The following ASTN2 variants were observed in gnomAD, a reference collection of about 807,000 sequenced individuals.
The protein encoded by ASTN2 is astrotactin-2.
In ASTN2, 54 loss-of-function variants were observed where a neutral mutation model predicts 139.8. That is an observed-to-expected ratio of 0.39 (90% CI 0.31 to 0.48). The LOEUF (loss-of-function observed/expected upper bound fraction) is 0.48, where lower values mean the gene tolerates loss of function less well. Among genes scored for constraint, ASTN2 ranks in the 20% least tolerant of loss-of-function variants. The pLI, the probability that ASTN2 is intolerant of heterozygous loss-of-function variation, is 0.95. For missense variants in ASTN2, 1,565 were observed against 1,725.1 expected, an observed-to-expected ratio of 0.91 and a Z score of 1.64; for synonymous variants, 756 against 719.5, an observed-to-expected ratio of 1.05 and a Z score of -0.81.
intron 7 of ASTN2, among the ~76,000 whole-genome samples, chr9:116,980,151 G>A (rs934166359): frequency 3.3e-5 from 5 of 152,116 alleles, no homozygotes; most frequent in Non-Finnish European, 1.5e-5. Flanking sequence ...CCCTAGTTGT[G>A]TGGCCTTAGG....
chr9:116,852,399 T>G (rs934990078), intron 11 of ASTN2, among the ~76,000 whole-genome samples: 1 of 152,206 alleles, frequency 6.6e-6, no homozygotes, highest in Non-Finnish European at 1.5e-5. Flanking sequence ...CAACTCTGAA[T>G]TATGGACAAG....
chr9:117,103,843 G>A (rs1829039724), intron 4 of ASTN2, among the ~76,000 whole-genome samples: 1 of 152,140 alleles, frequency 6.6e-6, no homozygotes, highest in African/African-American at 2.4e-5. Flanking sequence ...GGACAGAAGT[G>A]GGTAAACTTC....
intron 6 of ASTN2, among the ~76,000 whole-genome samples, chr9:117,017,808 T>C: frequency 6.6e-6 from 1 of 152,180 alleles, no homozygotes; most frequent in East Asian, 1.9e-4. Flanking sequence ...CAATTGGTAA[T>C]TGTGTATGTC....
chr9:117,189,622 T>C (rs2132964983), intron 3 of ASTN2, among the ~76,000 whole-genome samples: 1 of 152,332 alleles, frequency 6.6e-6, no homozygotes, highest in East Asian at 1.9e-4. Context: ...CTTACAAGAA[T>C]ACTGCAAAAC....
intron 13 of ASTN2, among the ~76,000 whole-genome samples, chr9:116,735,851 C>T (rs1828912754): frequency 1.3e-5 from 2 of 152,198 alleles, no homozygotes; most frequent in Admixed American, 1.3e-4. Flanking sequence ...CTGGAGCAAA[C>T]CAACCAAATC....
At chr9:116,627,902 C>T (rs1445370013) in intron 17 of ASTN2, among the ~76,000 whole-genome samples, 2 of 152,134 alleles carry the variant, frequency 1.3e-5, no homozygotes, top group South Asian at 2.1e-4. Flanking sequence ...ATTAAATTTT[C>T]CCAACAACCT....
At chr9:117,019,302 A>G (rs1184537442) in intron 6 of ASTN2, among the ~76,000 whole-genome samples, 2 of 152,160 alleles carry the variant, frequency 1.3e-5, no homozygotes, top group East Asian at 3.9e-4. Context: ...TGGAAATTGG[A>G]CAATAATTCA....
At chr9:116,636,598 T>C (rs1857085163) in intron 17 of ASTN2, among the ~76,000 whole-genome samples, 1 of 151,902 alleles carries the variant, frequency 6.6e-6, no homozygotes, top group Admixed American at 6.6e-5. Flanking sequence ...AGGAAAATCG[T>C]TTGAACCCGG....
intron 20 of ASTN2, among the ~76,000 whole-genome samples, chr9:116,443,023 C>T (rs4837530): frequency 0.34 from 51,440 of 152,036 alleles, 9,044 homozygotes; most frequent in East Asian, 0.49. Context: ...GAGTCAAGGT[C>T]ACAGATAAAA....
At chr9:116,469,484 A>G in intron 20 of ASTN2, among the ~76,000 whole-genome samples, 1 of 152,132 alleles carries the variant, frequency 6.6e-6, no homozygotes, top group East Asian at 1.9e-4. Context: ...AGCAGGAGGG[A>G]ATATAGTTCA....
chr9:116,976,819 T>C lies in ASTN2; in HGVS notation c.1592-34A>G, dbSNP rs570264421. On this transcript the variant is annotated intron_variant, in intron 7 of 22. Transcript: ENST00000313400. ...GAAAAGAAAAAAGATTATTGTTAAGTAGAGTCTCCCCAAATAGGCTTTTCT... is the reference window on the plus strand; with the variant it reads ...GAAAAGAAAAAAGATTATTGTTAAGCAGAGTCTCCCCAAATAGGCTTTTCT... The C allele has an allele frequency of 1.1e-5, 17 of 1,587,452 alleles. No homozygotes were observed. The South Asian group carries it at 1.7e-4, about 16-fold the overall frequency.
In ASTN2 at chr9:116,511,897, G is replaced by C. The variant is rs180918728; in HGVS notation, c.3356-24397C>G. On this transcript the variant is annotated intron_variant, in intron 19 of 22. Coordinates refer to ENST00000313400, the MANE Select transcript of ASTN2 (RefSeq NM_001365068.1). ...CGTCTATTTGATTCTTCTCTCTTTTGTTCTTTATGAGTCTTGCTAGTGGTC... is the reference window on the plus strand; with the variant it reads ...CGTCTATTTGATTCTTCTCTCTTTTCTTCTTTATGAGTCTTGCTAGTGGTC... Among the ~76,000 whole-genome samples, 1,400 of 151,822 alleles carry C rather than the reference G, an allele frequency of 9.2e-3. 24 individuals are homozygous for C. The highest frequency in any genetic ancestry group is 0.032 in the African/African-American group (1,329 of 41,416).
chr9:116,838,111 GTT>G (rs1249646800), intron 11 of ASTN2, among the ~76,000 whole-genome samples: 6 of 142,078 alleles, frequency 4.2e-5, no homozygotes, highest in African/African-American at 1.6e-4. Context: ...GTTTTTTTTT[GTT>G]TTGTTTTGTT....
intron 1 of ASTN2, among the ~76,000 whole-genome samples, chr9:117,381,225 T>C (rs975163759): frequency 6.6e-6 from 1 of 152,108 alleles, no homozygotes; most frequent in African/African-American, 2.4e-5. Context: ...GGTTACAGCA[T>C]GGGGAAAAGA....
chr9:116,600,777 T>C (rs992303406), intron 19 of ASTN2, among the ~76,000 whole-genome samples: 31 of 152,230 alleles, frequency 2.0e-4, no homozygotes, highest in South Asian at 2.1e-4. Context: ...GAATTTAAAC[T>C]CCAGCCCCAC....
intron 5 of ASTN2, among the ~76,000 whole-genome samples, chr9:117,040,481 C>T (rs1255048899): frequency 3.9e-5 from 6 of 152,084 alleles, no homozygotes; most frequent in Admixed American, 6.6e-5. Context: ...TTGTTTGAGG[C>T]GGAGTCTCGC....
intron 4 of ASTN2, among the ~76,000 whole-genome samples, chr9:117,101,486 T>C (rs1016448051): frequency 1.3e-5 from 2 of 152,138 alleles, no homozygotes; most frequent in African/African-American, 4.8e-5. Context: ...GCAGCCTTTC[T>C]ATCCTTGCTG....
chr9:117,406,363 G>GT (rs796107059), intron 1 of ASTN2, among the ~76,000 whole-genome samples: 40 of 152,274 alleles, frequency 2.6e-4, no homozygotes, highest in African/African-American at 9.6e-4. Flanking sequence ...CCTTGGCACT[G>GT]TTTTGCTTAA....
intron 2 of ASTN2, among the ~76,000 whole-genome samples, chr9:117,268,513 C>T (rs75732660): frequency 2.6e-5 from 4 of 152,264 alleles, no homozygotes; most frequent in African/African-American, 9.6e-5. Flanking sequence ...GTGTTCCCAC[C>T]GTCTAAGGTC....
Sources: allele counts gnomAD v4.1 joint callset (sites outside exome capture counted in the v4.1 genomes callset), GRCh38; gene constraint gnomAD v4.1.1; transcripts MANE v1.5; gene names NCBI Gene and HGNC (gene_info 2026-07-23, HGNC 2026-07-21).